The following GSE1 variants were observed in gnomAD, a reference collection of about 807,000 sequenced individuals.
GSE1 encodes Gse1 coiled-coil protein, also known as genetic suppressor element 1.
In GSE1, 32 loss-of-function variants were observed where a neutral mutation model predicts 112.6. The observed-to-expected ratio is 0.28, with a 90% CI of 0.21 to 0.38. GSE1 has a LOEUF of 0.38. Ranked by LOEUF, GSE1 falls within the 10% of genes least tolerant of loss-of-function variation. The pLI, the probability that GSE1 is intolerant of heterozygous loss-of-function variation, is 1.00. For missense variants in GSE1, 2,348 were observed against 1,699.2 expected (o/e 1.38, Z -6.71); for synonymous variants, 1,115 against 735.6 (o/e 1.52, Z -8.35).
intron 1 of GSE1, among the ~76,000 whole-genome samples, chr16:85,627,774 A>G (rs959952152): frequency 6.6e-6 from 1 of 152,204 alleles, no homozygotes; most frequent in Admixed American, 6.5e-5. Flanking sequence ...AATGTAGACA[A>G]GAATTCAGTC....
At chr16:85,466,504 G>A (rs2050125660) in intron 2 of GSE1, among the ~76,000 whole-genome samples, 1 of 152,216 alleles carries the variant, frequency 6.6e-6, no homozygotes, top group Non-Finnish European at 1.5e-5. Context: ...CGGTCCTGAG[G>A]AGTTAGCAGC....
At chr16:85,607,698 G>T (rs2047771336), upstream of GSE1, among the ~76,000 whole-genome samples, 1 of 145,882 alleles carries the variant, frequency 6.9e-6, no homozygotes. Flanking sequence ...CTCCCCAAGA[G>T]GGGGCAGGCA....
intron 2 of GSE1, among the ~76,000 whole-genome samples, chr16:85,370,618 TCC>T (rs2047276250): frequency 9.5e-4 from 5 of 5,268 alleles, no homozygotes; most frequent in Non-Finnish European, 3.8e-3. Flanking sequence ...CCTCCTTCTC[TCC>T]CTCCCTCCTT....
chr16:85,273,817 G>A (rs974147283), intron 1 of GSE1, among the ~76,000 whole-genome samples: 1 of 151,854 alleles, frequency 6.6e-6, no homozygotes, highest in South Asian at 2.1e-4. Flanking sequence ...AGACTCCCAA[G>A]TAGCTGGGAT....
At chr16:85,493,682 G>A (rs971343647) in intron 2 of GSE1, among the ~76,000 whole-genome samples, 1 of 151,962 alleles carries the variant, frequency 6.6e-6, no homozygotes, top group African/African-American at 2.4e-5. Flanking sequence ...GAACCCGGGA[G>A]GCGGAGGTGG....
At chr16:85,652,827 C>T (rs894362008) in intron 3 of GSE1, among the ~76,000 whole-genome samples, 5 of 152,120 alleles carry the variant, frequency 3.3e-5, no homozygotes, top group South Asian at 4.1e-4. Context: ...TGTGGGGAGA[C>T]GGCCATGGCC....
At chr16:85,667,521 A>G (rs796807166) in intron 13 of GSE1, among the ~76,000 whole-genome samples, 18 of 152,314 alleles carry the variant, frequency 1.2e-4, no homozygotes, top group African/African-American at 4.3e-4. Flanking sequence ...TTGTGAGAGG[A>G]TGGGCTGGTG....
intron 2 of GSE1, among the ~76,000 whole-genome samples, chr16:85,445,140 C>A (rs920595511): frequency 2.0e-5 from 3 of 152,250 alleles, no homozygotes; most frequent in African/African-American, 7.2e-5. Flanking sequence ...CCCCCTTGTT[C>A]TGAGCCACCT....
chr16:85,361,270 T>C (rs2009842), intron 2 of GSE1, among the ~76,000 whole-genome samples: 88,361 of 109,494 alleles, frequency 0.81, 34,680 homozygotes, highest in East Asian at 0.9. Context: ...CACACAAACA[T>C]ACAGACGCAC....
At position 85,529,390 on chromosome 16, in the gene GSE1, A is replaced by G. The variant is rs62048397; in HGVS notation, c.2465-104524A>G. ...CATGTTTTCTTAGCTCCTACACAGTATTTTATTTATTTTTTTAAGATGTAT... is the reference window on the plus strand; with the variant it reads ...CATGTTTTCTTAGCTCCTACACAGTGTTTTATTTATTTTTTTAAGATGTAT... On this transcript the variant is annotated intron_variant, in intron 2 of 2. Coordinates refer to the GSE1 transcript ENST00000637419. 1.2e-3 allele frequency among the ~76,000 whole-genome samples: 177 copies of G among 152,334 alleles called. 1 individual carries two copies. Among genetic ancestry groups the G allele is most frequent in the Non-Finnish European group, 2.0e-3 (137 of 68,024 alleles).
At chr16:85,672,274 C>G in intron 15 of GSE1, 131 bp from the exon 16 acceptor site, 1 of 682,750 alleles carries the variant, frequency 1.5e-6, no homozygotes, top group South Asian at 1.7e-5. Flanking sequence ...GGATTACAGG[C>G]GTGAGCCACC....
chr16:85,222,243 C>T (rs889113109), intron 1 of GSE1, among the ~76,000 whole-genome samples: 1 of 152,218 alleles, frequency 6.6e-6, no homozygotes, highest in African/African-American at 2.4e-5. Context: ...GAGCGGGGCC[C>T]ACCAGACCTT....
At chr16:85,615,247 AAGTGTGTCATCCCGGCCGCCGGCTGTGC>A (rs2048300579) in intron 1 of GSE1, among the ~76,000 whole-genome samples, 1 of 151,994 alleles carries the variant, frequency 6.6e-6, no homozygotes, top group South Asian at 2.1e-4. Flanking sequence ...TCCGACGGCG[AAGTGTGTCATCCCGGCCGCCGGCTGTGC>A]AGGGAGTCGC....
At chr16:85,445,433 A>G (rs146807260) in intron 2 of GSE1, among the ~76,000 whole-genome samples, 14 of 152,304 alleles carry the variant, frequency 9.2e-5, no homozygotes, top group Middle Eastern at 6.8e-3. Flanking sequence ...GCGGCCACGC[A>G]CAGCGAGGGG....
chr16:85,177,232 C>G (rs2074485971), intron 1 of GSE1, among the ~76,000 whole-genome samples: 1 of 152,234 alleles, frequency 6.6e-6, no homozygotes, highest in Non-Finnish European at 1.5e-5. Flanking sequence ...CTGGTTCCTC[C>G]TCTGCTTAGA....
chr16:85,561,196 G>T (rs566839620), intron 1 of GSE1, among the ~76,000 whole-genome samples: 1 of 151,804 alleles, frequency 6.6e-6, no homozygotes, highest in African/African-American at 2.4e-5. Context: ...CCCATTCCAC[G>T]CCAGACACGG....
intron 2 of GSE1, among the ~76,000 whole-genome samples, chr16:85,514,418 C>A (rs895645980): frequency 4.9e-5 from 6 of 121,978 alleles, no homozygotes; most frequent in African/African-American, 1.6e-4. Flanking sequence ...TGCCCGCATG[C>A]TCTCGAGTCC....
At chr16:85,281,647 T>G (rs1240314906) in intron 1 of GSE1, among the ~76,000 whole-genome samples, 3 of 152,116 alleles carry the variant, frequency 2.0e-5, no homozygotes, top group African/African-American at 4.8e-5. Flanking sequence ...TAGAAGAATG[T>G]AAAACTCAAG....
intron 1 of GSE1, among the ~76,000 whole-genome samples, chr16:85,628,380 T>A (rs1038269614): frequency 5.9e-5 from 9 of 152,158 alleles, no homozygotes; most frequent in Non-Finnish European, 1.2e-4. Flanking sequence ...AGACTGTACC[T>A]GGGGCTGGAG....
Sources: gnomAD v4.1 joint callset for allele counts (sites outside exome capture counted in the v4.1 genomes callset) on GRCh38, gnomAD v4.1.1 for gene constraint, MANE v1.5 for transcripts, NCBI Gene and HGNC (gene_info 2026-07-23, HGNC 2026-07-21) for gene names.